GSE1: variants seen among roughly 807,000 people sequenced by gnomAD.
GSE1 encodes the protein genetic suppressor element 1.
GSE1 carries 32 observed loss-of-function variants against 112.6 expected under a neutral mutation model. The observed-to-expected ratio is 0.28, with a 90% confidence interval of 0.21 to 0.38. GSE1 has a LOEUF of 0.38. GSE1 is among the 10% of genes least tolerant of loss of function. The probability of loss-of-function intolerance (pLI) is 1.00; values close to 1 mark genes in which losing one functional copy is unlikely to be tolerated. For synonymous variants in GSE1, 1,115 were observed against 735.6 expected (o/e 1.52, Z -8.35); for missense variants, 2,348 against 1,699.2 (o/e 1.38, Z -6.71).
intron 1 of GSE1, among the ~76,000 whole-genome samples, chr16:85,574,993 C>T (rs1261189630): frequency 1.3e-5 from 2 of 152,222 alleles, no homozygotes; most frequent in Non-Finnish European, 2.9e-5. Flanking sequence ...GCCCTGCCAG[C>T]GGCTTGCTTC....
At chr16:85,316,960 C>CGTGG (rs1239696761) in intron 1 of GSE1, among the ~76,000 whole-genome samples, 5 of 152,336 alleles carry the variant, frequency 3.3e-5, no homozygotes, top group South Asian at 2.1e-4. Context: ...TTTTGGGGAA[C>CGTGG]CCACCTCTGT....
intron 2 of GSE1, among the ~76,000 whole-genome samples, chr16:85,408,156 AG>A (rs1302488339): frequency 5.7e-5 from 2 of 35,322 alleles, no homozygotes; most frequent in Non-Finnish European, 1.1e-4. Context: ...TGTTACACTC[AG>A]GGCCCCCCGG....
chr16:85,420,419 A>C (rs894167404), intron 2 of GSE1, among the ~76,000 whole-genome samples: 1 of 152,080 alleles, frequency 6.6e-6, no homozygotes, highest in Non-Finnish European at 1.5e-5. Context: ...CTAACACAGG[A>C]TCAGGCAGGA....
At chr16:85,195,263 T>A (rs1055602449) in intron 1 of GSE1, among the ~76,000 whole-genome samples, 5 of 151,994 alleles carry the variant, frequency 3.3e-5, no homozygotes, top group African/African-American at 1.2e-4. Flanking sequence ...GGAGCGGGGG[T>A]GAACGACGCT....
rs545603926 is a variant in GSE1 at position 85,619,720 on chromosome 16, C to T, written c.7+6322C>T. On this transcript the variant is annotated intron_variant, in intron 1 of 15. Coordinates refer to ENST00000253458, the MANE Select transcript of GSE1 (RefSeq NM_014615.5). ...TATGAGGGTCACGCCGTGGGCTGTG[C>T]GTCAGGCGTGGTGGGGGGACGTTTT... Among the ~76,000 whole-genome samples, 17 of 152,194 alleles carry T rather than the reference C, an allele frequency of 1.1e-4. No homozygotes were observed. The South Asian group carries it at 3.3e-3, about 30-fold the overall frequency.
In GSE1 at chr16:85,410,033, GC is replaced by G. The variant is rs1167569222; in HGVS notation, c.2464+52398del. Among the ~76,000 whole-genome samples, 15 of 3,606 alleles carry G rather than the reference GC, an allele frequency of 4.2e-3. 2 individuals are homozygous for G. The highest frequency in any genetic ancestry group is 0.012 in the East Asian group (1 of 84). The allele number at this position is 3,606 out of a possible 152,430, so 2.4% of individuals were successfully genotyped here. On this transcript the variant is annotated intron_variant, in intron 2 of 2. Transcript: ENST00000637419. ...GATAATCCTCACTGTTACACTCAGGGCCCCCCCCGGATAATCCTCACTGTTA... is the reference window on the plus strand; with the variant it reads ...GATAATCCTCACTGTTACACTCAGGGCCCCCCCGGATAATCCTCACTGTTA...
At chr16:85,639,854 G>A (rs563153016) in intron 2 of GSE1, among the ~76,000 whole-genome samples, 1 of 152,362 alleles carries the variant, frequency 6.6e-6, no homozygotes, top group Non-Finnish European at 1.5e-5. Flanking sequence ...CTCCCGCAGG[G>A]ACGCAGCGCC....
At chr16:85,188,392 A>G (rs1002792499) in intron 1 of GSE1, among the ~76,000 whole-genome samples, 3 of 152,114 alleles carry the variant, frequency 2.0e-5, no homozygotes, top group Non-Finnish European at 4.4e-5. Context: ...GCTATTTATT[A>G]TTTCCCTTCT....
chr16:85,278,259 A>G (rs1909571424), intron 1 of GSE1, among the ~76,000 whole-genome samples: 2 of 152,180 alleles, frequency 1.3e-5, no homozygotes, highest in Non-Finnish European at 2.9e-5. Flanking sequence ...GTGTGACCTG[A>G]GACCCTCTCT....
At chr16:85,449,848 A>T (rs1430669275) in intron 2 of GSE1, among the ~76,000 whole-genome samples, 1 of 152,226 alleles carries the variant, frequency 6.6e-6, no homozygotes, top group Non-Finnish European at 1.5e-5. Context: ...TGATGACAAC[A>T]ATAATCATCA....
chr16:85,363,709 G>C (rs1407581638), intron 2 of GSE1, among the ~76,000 whole-genome samples: 1 of 152,020 alleles, frequency 6.6e-6, no homozygotes, highest in Non-Finnish European at 1.5e-5. Flanking sequence ...CGTGGGTACT[G>C]TCACCACCAG....
At chr16:85,433,567 G>A (rs2049171318) in intron 2 of GSE1, among the ~76,000 whole-genome samples, 1 of 151,236 alleles carries the variant, frequency 6.6e-6, no homozygotes, top group Non-Finnish European at 1.5e-5. Flanking sequence ...CTGTGTAGAT[G>A]GATGGATGAA....
At chr16:85,312,079 G>T (rs2045865067) in intron 1 of GSE1, among the ~76,000 whole-genome samples, 1 of 152,070 alleles carries the variant, frequency 6.6e-6, no homozygotes. Flanking sequence ...CACCCCCAGA[G>T]CCCTGGGGCA....
intron 2 of GSE1, among the ~76,000 whole-genome samples, chr16:85,461,637 C>G (rs1048951824): frequency 6.6e-6 from 1 of 152,178 alleles, no homozygotes; most frequent in Non-Finnish European, 1.5e-5. Context: ...TGGGTAGTGG[C>G]TCAAATGAAA....
chr16:85,523,761 G>A (rs981538837), intron 2 of GSE1, among the ~76,000 whole-genome samples: 1 of 152,244 alleles, frequency 6.6e-6, no homozygotes, highest in African/African-American at 2.4e-5. Context: ...TGGCCTGGTA[G>A]CTCAGTCTAG....
chr16:85,188,349 T>A (rs1664354704), intron 1 of GSE1, among the ~76,000 whole-genome samples: 1 of 152,252 alleles, frequency 6.6e-6, no homozygotes, highest in African/African-American at 2.4e-5. Flanking sequence ...GTACATAGTA[T>A]GTGCTCAATT....
At chr16:85,354,093 C>T (rs1488988126) in intron 1 of GSE1, among the ~76,000 whole-genome samples, 1 of 152,230 alleles carries the variant, frequency 6.6e-6, no homozygotes, top group South Asian at 2.1e-4. Context: ...TCCAGCTGCT[C>T]CAGGAAGCCC....
chr16:85,552,790 G>C (rs2044991388), upstream of GSE1, among the ~76,000 whole-genome samples: 1 of 152,198 alleles, frequency 6.6e-6, no homozygotes, highest in Admixed American at 6.5e-5. Flanking sequence ...GGGAAGGGGG[G>C]CACCCAGCAG....
chr16:85,657,854 G>A (rs1349224965), intron 8 of GSE1, among the ~76,000 whole-genome samples: 2 of 152,188 alleles, frequency 1.3e-5, no homozygotes, highest in East Asian at 3.8e-4. Flanking sequence ...CATGTTGAGA[G>A]CCAGGGCACT....
Sources: allele counts gnomAD v4.1 joint callset (sites outside exome capture counted in the v4.1 genomes callset), GRCh38; gene constraint gnomAD v4.1.1; transcripts MANE v1.5; gene names NCBI Gene and HGNC (gene_info 2026-07-23, HGNC 2026-07-21).